Variants in CLVS1 observed in about 807,000 individuals in gnomAD.
CLVS1 encodes the protein clavesin-1.
A neutral mutation model predicts 33.1 loss-of-function variants in CLVS1; 10 were observed. The observed-to-expected ratio is 0.30, with a 90% CI of 0.19 to 0.51. The LOEUF (loss-of-function observed/expected upper bound fraction) is 0.51, where lower values mean the gene tolerates loss of function less well. Ranked by LOEUF, CLVS1 falls within the 20% of genes least tolerant of loss-of-function variation. The pLI is 0.97. For synonymous variants in CLVS1, 163 were observed against 166.1 expected (o/e 0.98, Z 0.14); for missense variants, 343 against 433.4 (o/e 0.79, Z 1.85).
chr8:61,447,140 A>G (rs1264066484), intron 3 of CLVS1, among the ~76,000 whole-genome samples: 1 of 151,982 alleles, frequency 6.6e-6, no homozygotes, highest in African/African-American at 2.4e-5. Flanking sequence ...ATCCTTGCTG[A>G]TTTTCTGTCT....
chr8:61,027,149 T>G, the CLVS1 span, among the ~76,000 whole-genome samples: 1 of 152,190 alleles, frequency 6.6e-6, no homozygotes, highest in South Asian at 2.1e-4. Flanking sequence ...GAAGAATGCA[T>G]GAAGGAAATG....
chr8:61,023,647 C>T, the CLVS1 span, among the ~76,000 whole-genome samples: 1 of 152,218 alleles, frequency 6.6e-6, no homozygotes, highest in Non-Finnish European at 1.5e-5. Flanking sequence ...ATCCGCAGCG[C>T]TCGTGGCGGG....
intron 5 of CLVS1, among the ~76,000 whole-genome samples, chr8:61,468,188 G>A (rs1249138253): frequency 2.0e-5 from 3 of 152,164 alleles, no homozygotes; most frequent in Non-Finnish European, 4.4e-5. Flanking sequence ...AAATGGCTGG[G>A]ATGAAAGCTC....
upstream of CLVS1, among the ~76,000 whole-genome samples, chr8:61,056,733 A>G (rs1380766524): frequency 1.3e-5 from 2 of 152,232 alleles, no homozygotes. Context: ...TCCTCAGGTT[A>G]AATTATTCCT....
At chr8:61,080,062 C>G (rs903174551) in intron 1 of CLVS1, among the ~76,000 whole-genome samples, 2 of 152,118 alleles carry the variant, frequency 1.3e-5, no homozygotes, top group Non-Finnish European at 2.9e-5. Flanking sequence ...ATTGTGGGCA[C>G]TAAATTTTAT....
chr8:61,466,066 TC>T (rs1817538136), intron 5 of CLVS1, among the ~76,000 whole-genome samples: 1 of 152,232 alleles, frequency 6.6e-6, no homozygotes, highest in South Asian at 2.1e-4. Context: ...CCTCACTTTC[TC>T]CTACCTAATT....
chr8:61,397,465 CTGTAGGT>C (rs1385865656), intron 3 of CLVS1, among the ~76,000 whole-genome samples: 2 of 152,034 alleles, frequency 1.3e-5, no homozygotes, highest in Non-Finnish European at 2.9e-5. Context: ...TTCTCTCATT[CTGTAGGT>C]TGTCTTTTTA....
At chr8:61,054,033 T>C (rs979406634), upstream of CLVS1, among the ~76,000 whole-genome samples, 1 of 152,198 alleles carries the variant, frequency 6.6e-6, no homozygotes, top group African/African-American at 2.4e-5. Context: ...CTCCTCTCTC[T>C]TTCATCCAAA....
chr8:61,412,930 G>T lies in CLVS1; in HGVS notation c.630+36151G>T, dbSNP rs78639201. On this transcript the variant is annotated intron_variant, in intron 3 of 5. Coordinates refer to ENST00000325897, the MANE Select transcript of CLVS1 (RefSeq NM_173519.3). Reference sequence around the variant, plus strand: ...AAATTGCAAATCTTCATTCTCCTTTGATTATACTAGTTTTTCCCCCACGCT... The same window carrying T: ...AAATTGCAAATCTTCATTCTCCTTTTATTATACTAGTTTTTCCCCCACGCT... Among the ~76,000 whole-genome samples, 1,756 of 152,252 alleles carry T rather than the reference G, an allele frequency of 0.012. 90 individuals carry two copies. In the East Asian group the frequency reaches 0.18, roughly 16 times the overall value.
intron 2 of CLVS1, among the ~76,000 whole-genome samples, chr8:61,348,887 A>G (rs933311771): frequency 6.6e-6 from 1 of 152,064 alleles, no homozygotes; most frequent in African/African-American, 2.4e-5. Context: ...AACACTTGTC[A>G]TTTTTCATAT....
chr8:61,400,437 G>A (rs1563536565), intron 3 of CLVS1, among the ~76,000 whole-genome samples: 1 of 152,194 alleles, frequency 6.6e-6, no homozygotes. Context: ...TCTGGGATGA[G>A]ATGATGGCAT....
At chr8:61,408,127 A>G (rs1240777699) in intron 3 of CLVS1, among the ~76,000 whole-genome samples, 3 of 152,194 alleles carry the variant, frequency 2.0e-5, no homozygotes, top group Non-Finnish European at 2.9e-5. Flanking sequence ...TTTACGGTCC[A>G]TTGGGCGGTA....
At position 61,149,551 on chromosome 8, in the gene CLVS1, C is replaced by CAAAAAAAAAA. The variant is rs1166606940; in HGVS notation, c.-152+17699_-152+17708dup. ...TAGGCGACAGAACGAGACTCTGTCT[C>CAAAAAAAAAA]AAAAAAAAAAAAAAAAACAAAAAAC... On this transcript the variant is annotated intron_variant, in intron 2 of 2. Coordinates refer to the CLVS1 transcript ENST00000522621. Among the ~76,000 whole-genome samples the CAAAAAAAAAA allele has an allele frequency of 1.4e-3, 71 of 51,964 alleles. 2 individuals carry two copies. Among genetic ancestry groups the CAAAAAAAAAA allele is most frequent in the Non-Finnish European group, 1.7e-3 (38 of 22,920 alleles). 34.1% of individuals were successfully genotyped at this position (51,964 alleles called of 152,430 possible).
chr8:61,459,354 AT>A (rs1817278704), intron 5 of CLVS1, among the ~76,000 whole-genome samples: 1 of 152,114 alleles, frequency 6.6e-6, no homozygotes, highest in South Asian at 2.1e-4. Context: ...TTAAAATTTT[AT>A]TTTATTTTTC....
chr8:61,271,487 T>C (rs994262282), intron 2 of CLVS1, among the ~76,000 whole-genome samples: 6 of 149,012 alleles, frequency 4.0e-5, no homozygotes, highest in Admixed American at 2.7e-4. Context: ...AAAATGTATA[T>C]TCTGTTGATT....
At chr8:61,247,505 G>A (rs1808840907) in intron 2 of CLVS1, among the ~76,000 whole-genome samples, 1 of 152,188 alleles carries the variant, frequency 6.6e-6, no homozygotes, top group Admixed American at 6.5e-5. Flanking sequence ...ACTGGTGTGA[G>A]ATGGTATTTC....
At chr8:61,216,292 AT>A (rs1355296535) in intron 2 of CLVS1, among the ~76,000 whole-genome samples, 2 of 152,314 alleles carry the variant, frequency 1.3e-5, no homozygotes, top group African/African-American at 4.8e-5. Context: ...AGAGACTAGA[AT>A]CCTTAAGAAT....
At chr8:61,458,807 G>A in intron 5 of CLVS1, 1 of 326,164 alleles carries the variant, frequency 3.1e-6, no homozygotes, top group East Asian at 5.4e-5. Flanking sequence ...TGGTCTTCAG[G>A]GTGTTTGTTA....
intron 2 of CLVS1, among the ~76,000 whole-genome samples, chr8:61,151,084 A>T (rs961055188): frequency 2.0e-5 from 3 of 152,222 alleles, no homozygotes; most frequent in Non-Finnish European, 4.4e-5. Context: ...CAATGAATGC[A>T]TGAGCTACCA....
Sources: gnomAD v4.1 joint callset for allele counts (sites outside exome capture counted in the v4.1 genomes callset) on GRCh38, gnomAD v4.1.1 for gene constraint, MANE v1.5 for transcripts, NCBI Gene and HGNC (gene_info 2026-07-23, HGNC 2026-07-21) for gene names.